Variants in AGBL4 observed in about 807,000 individuals in gnomAD.
AGBL4 encodes the protein AGBL carboxypeptidase 4, also known as cytosolic carboxypeptidase 6.
A neutral mutation model predicts 66.4 loss-of-function variants in AGBL4; 58 were observed. The ratio of observed to expected loss-of-function variants is 0.87; its 90% CI spans 0.71 to 1.09. The LOEUF is 1.09. Among genes scored for constraint, AGBL4 ranks in the 50% least tolerant of loss-of-function variants. The pLI is 0.00. For missense variants in AGBL4, 579 were observed against 631.0 expected, an observed-to-expected ratio of 0.92 and a Z score of 0.88; for synonymous variants, 234 against 222.9, an observed-to-expected ratio of 1.05 and a Z score of -0.44.
chr1:48,679,422 C>T (rs568884822), intron 6 of AGBL4, among the ~76,000 whole-genome samples: 17 of 152,222 alleles, frequency 1.1e-4, no homozygotes, highest in East Asian at 1.9e-4. Context: ...AGGCCTAGGA[C>T]GATGAAGCCT....
intron 2 of AGBL4, among the ~76,000 whole-genome samples, chr1:49,826,732 T>C (rs1187279480): frequency 6.6e-6 from 1 of 152,214 alleles, no homozygotes; most frequent in East Asian, 1.9e-4. Flanking sequence ...GCAATTGTCA[T>C]TTATTCATTT....
intron 3 of AGBL4, among the ~76,000 whole-genome samples, chr1:49,681,671 T>A (rs1646695901): frequency 6.6e-6 from 1 of 152,206 alleles, no homozygotes; most frequent in South Asian, 2.1e-4. Context: ...GTCTACTACA[T>A]CTTTCTGGAG....
intron 2 of AGBL4, among the ~76,000 whole-genome samples, chr1:49,809,673 C>A (rs1035915873): frequency 6.6e-6 from 1 of 151,994 alleles, no homozygotes; most frequent in Non-Finnish European, 1.5e-5. Context: ...ATTGTTCTTA[C>A]CACAATAAAA....
At chr1:49,404,583 G>C (rs1305412021) in intron 3 of AGBL4, among the ~76,000 whole-genome samples, 1 of 152,180 alleles carries the variant, frequency 6.6e-6, no homozygotes, top group Non-Finnish European at 1.5e-5. Context: ...TACACTATAT[G>C]ATCCTTGAGG....
At chr1:48,700,746 C>T (rs1340002939) in intron 6 of AGBL4, among the ~76,000 whole-genome samples, 2 of 152,198 alleles carry the variant, frequency 1.3e-5, no homozygotes, top group East Asian at 1.9e-4. Flanking sequence ...ACCTCATATA[C>T]ACTACCTCAT....
At chr1:49,631,860 A>G (rs2124359978) in intron 3 of AGBL4, among the ~76,000 whole-genome samples, 1 of 152,322 alleles carries the variant, frequency 6.6e-6, no homozygotes. Context: ...TGGCCATCAG[A>G]AAAGTCCTTG....
intron 2 of AGBL4, among the ~76,000 whole-genome samples, chr1:49,782,252 T>A (rs894843667): frequency 1.3e-5 from 2 of 151,876 alleles, no homozygotes; most frequent in Admixed American, 1.3e-4. Flanking sequence ...AGACACAAAC[T>A]ATTAAAATTA....
At chr1:48,885,976 C>T (rs1650287335) in intron 5 of AGBL4, among the ~76,000 whole-genome samples, 1 of 152,206 alleles carries the variant, frequency 6.6e-6, no homozygotes, top group Non-Finnish European at 1.5e-5. Flanking sequence ...CTGAGTTCCT[C>T]ATGCAGAAGC....
At chr1:49,134,475 G>GCCCCCC (rs57286157) in intron 4 of AGBL4, among the ~76,000 whole-genome samples, 31 of 112,694 alleles carry the variant, frequency 2.8e-4, no homozygotes, top group East Asian at 6.3e-4. Flanking sequence ...ATTTTGGAGG[G>GCCCCCC]CCCCCCCCCC....
intron 3 of AGBL4, among the ~76,000 whole-genome samples, chr1:49,623,000 C>T (rs896871117): frequency 9.9e-5 from 15 of 152,052 alleles, no homozygotes; most frequent in African/African-American, 3.1e-4. Context: ...AATACAGATT[C>T]GCAGGAAAAA....
intron 2 of AGBL4, among the ~76,000 whole-genome samples, chr1:49,820,182 T>A (rs1278432684): frequency 1.3e-5 from 2 of 152,190 alleles, no homozygotes; most frequent in African/African-American, 4.8e-5. Flanking sequence ...TGGAGTCTTA[T>A]GTGACTTTTG....
Position 49,697,410 on chromosome 1 carries a change from G to A in AGBL4, c.185C>T (p.Ser62Phe). ...AATGAACAGATCATACTCAAACTCA[G>A]AGACCTGGTCCACCCGGCCCAGGTT... is the stretch of plus-strand genomic sequence containing the variant. The part of the protein sequence containing the change: ...SGNLGRVDQV[S>F]EFEYDLFIRP... The change falls in exon 3 of 14, where the codon TCT becomes TTT. Residue 62 changes from serine (S) to phenylalanine (F), a missense_variant. Physicochemically the swap from Ser to Phe is radical, Grantham distance 155. Coordinates refer to ENST00000371839, the MANE Select transcript of AGBL4 (RefSeq NM_032785.4). 1 of 1,532,282 alleles carries A rather than the reference G, an allele frequency of 6.5e-7. No homozygotes were observed. The highest frequency in any genetic ancestry group is 8.8e-7 in the Non-Finnish European group (1 of 1,131,890). 94.9% of individuals were successfully genotyped at this position (1,532,282 alleles called of 1,614,324 possible). A position where few individuals can be genotyped will look rare whatever the true frequency, so the allele number is the denominator to read the frequency against.
intron 6 of AGBL4, among the ~76,000 whole-genome samples, chr1:48,728,274 T>C (rs1181959931): frequency 6.6e-6 from 1 of 152,208 alleles, no homozygotes; most frequent in Non-Finnish European, 1.5e-5. Context: ...TGTCCACCAC[T>C]CAGTGGAGCA....
chr1:48,531,209 C>T (rs200795332), downstream of AGBL4, among the ~76,000 whole-genome samples: 5,745 of 83,248 alleles, frequency 0.069, 353 homozygotes, highest in African/African-American at 0.17. Flanking sequence ...TTTTTTTTTT[C>T]TCTCTCTCTC....
chr1:49,696,535 C>T (rs576541544), intron 3 of AGBL4, among the ~76,000 whole-genome samples: 1 of 152,038 alleles, frequency 6.6e-6, no homozygotes, highest in Admixed American at 6.6e-5. Context: ...TTTTCATGGA[C>T]AAAATTATTC....
In AGBL4 at chr1:48,653,185, A is replaced by G. The variant is rs114988187; in HGVS notation, c.839+152T>C. Among the ~76,000 whole-genome samples, 821 of 152,320 alleles carry G rather than the reference A, an allele frequency of 5.4e-3. 9 individuals carry two copies. The highest frequency in any genetic ancestry group is 0.019 in the African/African-American group (789 of 41,568). Reference sequence around the variant, plus strand: ...GCATGAAAAAGCCAAAGCTAATTAAAGAAATTCTCAAGAGCCAGGGTGAAA... The same window carrying G: ...GCATGAAAAAGCCAAAGCTAATTAAGGAAATTCTCAAGAGCCAGGGTGAAA... On this transcript the variant is annotated intron_variant, in intron 8 of 13. Transcript: ENST00000371839.
intron 3 of AGBL4, among the ~76,000 whole-genome samples, chr1:49,395,121 C>T (rs1203124050): frequency 6.6e-6 from 1 of 152,176 alleles, no homozygotes; most frequent in Non-Finnish European, 1.5e-5. Context: ...TAATCCATCT[C>T]CTTTGGGGGA....
intron 3 of AGBL4, among the ~76,000 whole-genome samples, chr1:49,685,908 C>T (rs1049249528): frequency 6.6e-6 from 1 of 151,998 alleles, no homozygotes; most frequent in Non-Finnish European, 1.5e-5. Flanking sequence ...TAATTAGGTC[C>T]CATTTGTCAA....
intron 1 of AGBL4, among the ~76,000 whole-genome samples, chr1:50,019,776 G>C (rs561723394): frequency 1.3e-5 from 2 of 152,164 alleles, no homozygotes; most frequent in African/African-American, 4.8e-5. Flanking sequence ...ATAGCTGGAA[G>C]AGAGGGAGAA....
Sources: gnomAD v4.1 joint callset for allele counts (sites outside exome capture counted in the v4.1 genomes callset) on GRCh38, gnomAD v4.1.1 for gene constraint, MANE v1.5 for transcripts, NCBI Gene and HGNC (gene_info 2026-07-23, HGNC 2026-07-21) for gene names.